TJP2: variants seen among roughly 807,000 people sequenced by gnomAD.
The protein encoded by TJP2 is Friedreich ataxia region gene X104 (tight junction protein ZO-2).
A neutral mutation model predicts 133.1 loss-of-function variants in TJP2; 91 were observed. The observed-to-expected ratio is 0.68, with a 90% CI of 0.58 to 0.81. The LOEUF (loss-of-function observed/expected upper bound fraction) is 0.81, where lower values mean the gene tolerates loss of function less well. TJP2 is among the 40% of genes least tolerant of loss of function. The pLI is 0.00. For synonymous variants in TJP2, 592 were observed against 583.4 expected (o/e 1.01, Z -0.21); for missense variants, 1,541 against 1,565.6 (o/e 0.98, Z 0.26).
At chr9:69,232,949 C>T (rs1052636078) in intron 11 of TJP2, among the ~76,000 whole-genome samples, 3 of 152,194 alleles carry the variant, frequency 2.0e-5, no homozygotes, top group African/African-American at 7.2e-5. Flanking sequence ...GACTGAAGGA[C>T]TCCCAAGGTC....
At chr9:69,225,448 C>T (rs372373569) in intron 6 of TJP2, 41 bp downstream of exon 6, 28 of 1,313,112 alleles carry the variant, frequency 2.1e-5, no homozygotes, top group Non-Finnish European at 2.6e-5. Context: ...TGCATACTGC[C>T]GTTCATCGCC....
intron 7 of TJP2, among the ~76,000 whole-genome samples, chr9:69,227,211 C>T (rs550238799): frequency 1.1e-4 from 17 of 151,970 alleles, no homozygotes; most frequent in Non-Finnish European, 1.6e-4. Context: ...ATGACTGTTA[C>T]GGGTGCAGTG....
chr9:69,153,883 C>T (rs896540650), intron 2 of TJP2, among the ~76,000 whole-genome samples: 3 of 152,152 alleles, frequency 2.0e-5, no homozygotes, highest in East Asian at 1.9e-4. Context: ...CTTTCTGGGA[C>T]GAATCAGCCT....
chr9:69,210,014 C>T (rs952653391), intron 1 of TJP2, among the ~76,000 whole-genome samples: 6 of 151,726 alleles, frequency 4.0e-5, no homozygotes, highest in South Asian at 4.2e-4. Flanking sequence ...AGGCTGGGCA[C>T]GGTGTCTCAC....
intron 17 of TJP2, 59 bp downstream of exon 17, chr9:69,240,206 G>T (rs7035000): frequency 7.0e-7 from 1 of 1,429,646 alleles, no homozygotes; most frequent in Non-Finnish European, 9.6e-7. Flanking sequence ...GAATTGAAGA[G>T]TAGAAGAAAT....
chr9:69,137,154 G>C (rs1051381584), intron 1 of TJP2, among the ~76,000 whole-genome samples: 2 of 152,056 alleles, frequency 1.3e-5, no homozygotes, highest in Non-Finnish European at 2.9e-5. Flanking sequence ...GCAGCCTCTC[G>C]TCATGAGCTG....
In TJP2 at chr9:69,254,432, G is replaced by T. The variant is rs1446205457; in HGVS notation, c.*58G>T. 6.2e-7 allele frequency: 1 copy of T among 1,607,870 alleles called. No homozygotes were observed. On this transcript the variant is annotated 3_prime_UTR_variant, in exon 23 of 23. Transcript: ENST00000377245. ...GCATGGCATCAGACTAGCCACTCCT[G>T]CCAGGCCGCCGGGATGGTTCTTCTC...
chr9:69,135,390 A>T (rs1275026967), intron 1 of TJP2, among the ~76,000 whole-genome samples: 1 of 152,202 alleles, frequency 6.6e-6, no homozygotes. Flanking sequence ...TTAAGTGTGA[A>T]GCTGGGATTC....
chr9:69,231,226 C>T (rs1381749927), intron 11 of TJP2, among the ~76,000 whole-genome samples: 2 of 152,140 alleles, frequency 1.3e-5, no homozygotes, highest in African/African-American at 2.4e-5. Flanking sequence ...TCTTAGTCCT[C>T]AGCCTCCCCA....
At chr9:69,219,075 TTC>T in intron 4 of TJP2, among the ~76,000 whole-genome samples, 1 of 152,160 alleles carries the variant, frequency 6.6e-6, no homozygotes, top group Non-Finnish European at 1.5e-5. Context: ...GTTCAAGCGA[TTC>T]TCCTGCCTCA....
Position 69,174,443 on chromosome 9 carries a change from C to T in TJP2, c.60+11C>T, listed in dbSNP as rs1003144509. On this transcript the variant is annotated intron_variant, in intron 1 of 22. Coordinates refer to ENST00000377245, the MANE Select transcript of TJP2 (RefSeq NM_004817.4). ...TCAGGTTGGCTCCGCGTAAGTGCCT[C>T]CTTGTGCCGCGCGGTTGGGAGGAGG... The T allele has an allele frequency of 1.9e-6, 3 of 1,550,292 alleles. No individual in the cohort carries two copies. The highest frequency in any genetic ancestry group is 2.6e-6 in the Non-Finnish European group (3 of 1,146,762).
chr9:69,251,471 C>A (rs1588162942), intron 21 of TJP2, 107 bp downstream of exon 21: 1 of 1,204,000 alleles, frequency 8.3e-7, no homozygotes, highest in Non-Finnish European at 1.2e-6. Flanking sequence ...GGCAGGGATG[C>A]ACTGCACCAA....
intron 21 of TJP2, among the ~76,000 whole-genome samples, chr9:69,252,068 C>T (rs756205118): frequency 7.2e-5 from 11 of 152,222 alleles, no homozygotes; most frequent in African/African-American, 2.2e-4. Flanking sequence ...GATCACAGCT[C>T]GCAGCAGCCT....
intron 12 of TJP2, among the ~76,000 whole-genome samples, chr9:69,235,525 T>G (rs1384764415): frequency 6.6e-6 from 1 of 152,024 alleles, no homozygotes; most frequent in Non-Finnish European, 1.5e-5. Flanking sequence ...GGTTTCACTG[T>G]GTTAGCCAGG....
At chr9:69,128,953 T>C (rs896889729) in intron 1 of TJP2, among the ~76,000 whole-genome samples, 1 of 152,212 alleles carries the variant, frequency 6.6e-6, no homozygotes, top group South Asian at 2.1e-4. Context: ...ATACTGAAAA[T>C]GTAAATTGAG....
chr9:69,249,256 C>T (rs937668293), intron 19 of TJP2, 119 bp from the exon 20 acceptor site: 79 of 1,519,320 alleles, frequency 5.2e-5, no homozygotes, highest in African/African-American at 3.2e-4. Context: ...AAAGAAGCAC[C>T]GGCTCAGAAC....
intron 2 of TJP2, among the ~76,000 whole-genome samples, chr9:69,163,686 T>G (rs1189297691): frequency 6.6e-6 from 1 of 151,106 alleles, no homozygotes; most frequent in African/African-American, 2.4e-5. Flanking sequence ...TTGCCCAGAC[T>G]GAACTCAAAT....
At chr9:69,249,269 C>T (rs914891239) in intron 19 of TJP2, 106 bp from the exon 20 acceptor site, 1 of 1,534,840 alleles carries the variant, frequency 6.5e-7, no homozygotes, top group Admixed American at 2.0e-5. Flanking sequence ...CTCAGAACCT[C>T]AACTTCTGGA....
intron 3 of TJP2, among the ~76,000 whole-genome samples, chr9:69,217,574 T>TA (rs1218580594): frequency 1.3e-5 from 2 of 152,110 alleles, no homozygotes; most frequent in Admixed American, 6.6e-5. Flanking sequence ...CCCAGCTACT[T>TA]GGGAGGCTAA....
Sources: allele counts gnomAD v4.1 joint callset (sites outside exome capture counted in the v4.1 genomes callset), GRCh38; gene constraint gnomAD v4.1.1; transcripts MANE v1.5; gene names NCBI Gene and HGNC (gene_info 2026-07-23, HGNC 2026-07-21).